The following WDFY4 variants were observed in gnomAD, a reference collection of about 807,000 sequenced individuals.
The protein encoded by WDFY4 is WDFY family member 4, also known as WD repeat- and FYVE domain-containing protein 4.
WDFY4 carries 169 observed loss-of-function variants against 351.9 expected under a neutral mutation model. The observed-to-expected ratio is 0.48, with a 90% CI of 0.42 to 0.55. The LOEUF is 0.55. Ranked by LOEUF, WDFY4 falls within the 20% of genes least tolerant of loss-of-function variation. The pLI is 0.00. For synonymous variants in WDFY4, 1,622 were observed against 1,574.6 expected, an observed-to-expected ratio of 1.03 and a Z score of -0.71; for missense variants, 3,803 against 3,935.6, an observed-to-expected ratio of 0.97 and a Z score of 0.90.
chr10:48,821,827 G>T (rs2132997819), intron 34 of WDFY4, among the ~76,000 whole-genome samples: 1 of 152,284 alleles, frequency 6.6e-6, no homozygotes, highest in African/African-American at 2.4e-5. Flanking sequence ...GTGAAGTGTG[G>T]GTTTGGCAAT....
chr10:48,964,529 C>T (rs961046575), intron 54 of WDFY4, among the ~76,000 whole-genome samples: 9 of 152,178 alleles, frequency 5.9e-5, no homozygotes, highest in South Asian at 4.1e-4. Flanking sequence ...AAATAAATAC[C>T]TTGCCTAGAA....
chr10:48,880,096 G>C (rs1186051079), intron 43 of WDFY4, among the ~76,000 whole-genome samples: 1 of 152,208 alleles, frequency 6.6e-6, no homozygotes, highest in Non-Finnish European at 1.5e-5. Context: ...CACTCAGGCT[G>C]CTGCCCCCCA....
intron 57 of WDFY4, 65 bp downstream of exon 57, chr10:48,970,354 C>A: frequency 6.6e-7 from 1 of 1,516,816 alleles, no homozygotes. Context: ...GGGACAAAAC[C>A]TCTGCCTGGC....
intron 47 of WDFY4, among the ~76,000 whole-genome samples, chr10:48,914,472 G>C (rs1838315125): frequency 6.6e-6 from 1 of 152,158 alleles, no homozygotes. Context: ...GACACTAAAT[G>C]TCCCTCTAGC....
At position 48,833,740 on chromosome 10, in the gene WDFY4, G is replaced by A. The variant is rs2068279314; in HGVS notation, c.6663+1031G>A. On this transcript the variant is annotated intron_variant, in intron 39 of 61. Transcript: ENST00000325239. ...TGGACTGTGGTTTTTGCTAGACATG[G>A]CTGTAGGGTCAGGAGACCTTGGGCA... Among the ~76,000 whole-genome samples the A allele has an allele frequency of 2.0e-5, 3 of 152,354 alleles. No homozygotes were observed. The South Asian group carries it at 6.2e-4, about 32-fold the overall frequency.
At chr10:48,905,809 C>A (rs1251634542) in intron 47 of WDFY4, among the ~76,000 whole-genome samples, 5 of 152,244 alleles carry the variant, frequency 3.3e-5, no homozygotes, top group Non-Finnish European at 7.3e-5. Flanking sequence ...GATTTGGGCT[C>A]ATAGTAGGTG....
intron 9 of WDFY4, among the ~76,000 whole-genome samples, chr10:48,732,652 A>T (rs1249391623): frequency 1.3e-5 from 2 of 152,236 alleles, no homozygotes; most frequent in African/African-American, 2.4e-5. Flanking sequence ...CTTCCTCGGT[A>T]AAACAGGGTA....
intron 1 of WDFY4, among the ~76,000 whole-genome samples, chr10:48,701,645 G>T (rs1369502784): frequency 6.6e-6 from 1 of 152,226 alleles, no homozygotes; most frequent in Non-Finnish European, 1.5e-5. Context: ...CCTGTCCCCA[G>T]CTGGTGGCAT....
rs1043139227 is a variant in WDFY4, at chr10:48,970,057, A to G, written c.8770-74A>G. 10 of 1,490,852 alleles carry G rather than the reference A, an allele frequency of 6.7e-6. No individual in the cohort carries two copies. The African/African-American group carries it at 1.4e-4, about 21-fold the overall frequency. The allele number at this position is 1,490,852 out of a possible 1,614,324, so 92.4% of individuals were successfully genotyped here. ...CCAAGGCACTCAGACTGGCCCACAT[A>G]CCCCCGTGACTCTATCCTGGGCTCC... On this transcript the variant is annotated intron_variant, in intron 56 of 61. Coordinates refer to ENST00000325239, the MANE Select transcript of WDFY4 (RefSeq NM_001394531.1).
rs1565199043 is a variant in WDFY4 at position 48,787,939 on chromosome 10, CTTCTTCTT to C, written c.3809-590_3809-583del. ...TCTTCTTCTTCTTCTTCTTCTTCTT[CTTCTTCTT>C]CTTCTTCTTCTTCTTCTTCTTCTTC... On this transcript the variant is annotated intron_variant, in intron 20 of 61. Coordinates refer to ENST00000325239, the MANE Select transcript of WDFY4 (RefSeq NM_001394531.1). Among the ~76,000 whole-genome samples, 93 of 102,190 alleles carry C rather than the reference CTTCTTCTT, an allele frequency of 9.1e-4. 2 individuals carry two copies. The highest frequency in any genetic ancestry group is 3.8e-3 in the Middle Eastern group (1 of 264). 67.0% of individuals were successfully genotyped at this position (102,190 alleles called of 152,430 possible).
chr10:48,772,376 C>A (rs2065891474), intron 13 of WDFY4, among the ~76,000 whole-genome samples: 1 of 151,918 alleles, frequency 6.6e-6, no homozygotes, highest in Admixed American at 6.6e-5. Flanking sequence ...TGTGTGGACA[C>A]ATGTGCGTGT....
chr10:48,785,189 G>C (rs916730036), intron 19 of WDFY4, among the ~76,000 whole-genome samples: 1 of 151,982 alleles, frequency 6.6e-6, no homozygotes, highest in African/African-American at 2.4e-5. Flanking sequence ...GGGTTTTAGG[G>C]TTTTAAAATG....
chr10:48,962,527 T>A (rs1212134873), intron 53 of WDFY4, among the ~76,000 whole-genome samples: 1 of 152,198 alleles, frequency 6.6e-6, no homozygotes, highest in Non-Finnish European at 1.5e-5. Flanking sequence ...TGGGCCATAC[T>A]TCCTCTTGCT....
chr10:48,738,711 T>C (rs1203266454), intron 11 of WDFY4, among the ~76,000 whole-genome samples: 1 of 152,248 alleles, frequency 6.6e-6, no homozygotes, highest in Non-Finnish European at 1.5e-5. Flanking sequence ...GGAACGAAGA[T>C]GCTAAGTGAA....
intron 1 of WDFY4, among the ~76,000 whole-genome samples, chr10:48,690,304 G>C (rs551152299): frequency 6.6e-5 from 10 of 152,298 alleles, no homozygotes; most frequent in African/African-American, 2.2e-4. Context: ...TGTAGAACAT[G>C]TTTATGATAT....
intron 39 of WDFY4, among the ~76,000 whole-genome samples, chr10:48,858,948 CATT>C (rs1277015118): frequency 6.6e-6 from 1 of 152,052 alleles, no homozygotes; most frequent in Non-Finnish European, 1.5e-5. Flanking sequence ...TTAAGTTTTT[CATT>C]ATTTTCAAGA....
chr10:48,974,785 T>A, intron 57 of WDFY4, 77 bp from the exon 58 acceptor site: 2 of 1,407,128 alleles, frequency 1.4e-6, no homozygotes, highest in Non-Finnish European at 9.4e-7. Context: ...GCACCCAGCT[T>A]TATAGGGAGG....
chr10:48,858,161 C>T (rs950605839), intron 39 of WDFY4, among the ~76,000 whole-genome samples: 2 of 152,158 alleles, frequency 1.3e-5, no homozygotes, highest in African/African-American at 4.8e-5. Context: ...ATGTGTCTTA[C>T]AAATATTTTC....
chr10:48,782,818 C>T (rs1410369731), intron 19 of WDFY4, among the ~76,000 whole-genome samples: 2 of 152,010 alleles, frequency 1.3e-5, no homozygotes, highest in African/African-American at 2.4e-5. Context: ...TTGAATTGGG[C>T]AAAATGATTT....
Sources: gnomAD v4.1 joint callset for allele counts (sites outside exome capture counted in the v4.1 genomes callset) on GRCh38, gnomAD v4.1.1 for gene constraint, MANE v1.5 for transcripts, NCBI Gene and HGNC (gene_info 2026-07-23, HGNC 2026-07-21) for gene names.